Variants in LAT2 observed in about 807,000 individuals in gnomAD.
The protein encoded by LAT2 is linker for activation of T cells family member 2, also known as linker for activation of T-cells family member 2.
A neutral mutation model predicts 43.4 loss-of-function variants in LAT2; 23 were observed. The observed-to-expected ratio is 0.53, with a 90% confidence interval of 0.38 to 0.75. The LOEUF is 0.75. LAT2 is among the 30% of genes least tolerant of loss of function. LAT2 has a pLI of 0.00. For synonymous variants in LAT2, 128 were observed against 123.2 expected (o/e 1.04, Z -0.26); for missense variants, 284 against 310.2 (o/e 0.92, Z 0.64).
chr7:74,217,911 A>G lies in LAT2; in HGVS notation c.134+1047A>G, dbSNP rs543106374. 4.1e-4 allele frequency among the ~76,000 whole-genome samples: 62 copies of G among 152,296 alleles called. No individual in the cohort carries two copies. The South Asian group carries it at 0.013, about 31-fold the overall frequency. On this transcript the variant is annotated intron_variant, in intron 4 of 13. Transcript: ENST00000460943. ...AAACCACAGTGAGATTTGAAAATAGAATCTTCCCATCCTTGCTCATCGTGG... is the reference window on the plus strand; with the variant it reads ...AAACCACAGTGAGATTTGAAAATAGGATCTTCCCATCCTTGCTCATCGTGG...
chr7:74,228,057 TC>T (rs1254637363), intron 13 of LAT2, among the ~76,000 whole-genome samples: 1 of 144,720 alleles, frequency 6.9e-6, no homozygotes, highest in Admixed American at 7.3e-5. Flanking sequence ...GTGCCTGTAA[TC>T]CCAGCTACTC....
intron 1 of LAT2, among the ~76,000 whole-genome samples, chr7:74,214,141 AATATATATAAATATATATATGAAAAT>A (rs1801858520): frequency 1.9e-5 from 1 of 52,182 alleles, no homozygotes; most frequent in Non-Finnish European, 3.4e-5. Context: ...TATATATGAA[AATATATATAAATATATATATGAAAAT>A]ATATATATGA....
In LAT2 at chr7:74,221,711, C is replaced by A. The variant is rs781885499; in HGVS notation, c.388+19C>A. 6.2e-7 allele frequency: 1 copy of A among 1,602,592 alleles called. No individual in the cohort carries two copies. Among genetic ancestry groups the A allele is most frequent in the Non-Finnish European group, 8.5e-7 (1 of 1,175,264 alleles). ...CCAGAAGGTGAGGCGAAGGACAAAG[C>A]CGGAGGTGGAGGAAGTGGTGTGGGA... On this transcript the variant is annotated intron_variant, in intron 10 of 13. Transcript: ENST00000460943.
In LAT2 at chr7:74,220,520, G is replaced by A; in HGVS notation, c.266-64G>A. 1.2e-6 allele frequency: 2 copies of A among 1,603,346 alleles called. No individual in the cohort carries two copies. Among genetic ancestry groups the A allele is most frequent in the South Asian group, 2.2e-5 (2 of 90,606 alleles). On this transcript the variant is annotated intron_variant, in intron 7 of 13. Transcript: ENST00000460943. This position sits in a 1 kb window ranked among gnomAD's most constrained non-coding sequence, Gnocchi z 4.5. ...ATAGCTGGCCCTGCCTTGGGCTGCAGCACCCGAGCTGGGTGCAAAGCAGGG... is the reference window on the plus strand; with the variant it reads ...ATAGCTGGCCCTGCCTTGGGCTGCAACACCCGAGCTGGGTGCAAAGCAGGG...
Position 74,220,690 on chromosome 7 carries a change from G to C in LAT2, c.302-14G>C. On this transcript the variant is annotated splice_polypyrimidine_tract_variant and intron_variant, in intron 8 of 13. Coordinates refer to ENST00000460943, the MANE Select transcript of LAT2 (RefSeq NM_032464.3). The surrounding 1 kb of genome is among the most constrained non-coding windows in gnomAD (Gnocchi z 4.5). ...ACCCAGGGGCTCAGGCCCAATTCTCGCCTCCTCCCGCAGGAAGCAGACACG... is the reference window on the plus strand; with the variant it reads ...ACCCAGGGGCTCAGGCCCAATTCTCCCCTCCTCCCGCAGGAAGCAGACACG... The C allele has an allele frequency of 6.2e-7, 1 of 1,610,538 alleles. No homozygotes were observed. The highest frequency in any genetic ancestry group is 8.5e-7 in the Non-Finnish European group (1 of 1,177,200).
intron 4 of LAT2, among the ~76,000 whole-genome samples, chr7:74,219,138 G>A (rs375328321): frequency 7.0e-6 from 1 of 143,026 alleles, no homozygotes; most frequent in African/African-American, 2.6e-5. Flanking sequence ...CCGGGTTCAC[G>A]CCATTCTCCT....
intron 4 of LAT2, among the ~76,000 whole-genome samples, chr7:74,217,207 G>A (rs534045177): frequency 1.3e-5 from 2 of 152,216 alleles, no homozygotes; most frequent in South Asian, 2.1e-4. Flanking sequence ...CAAGGCAGGT[G>A]GATCACCTGA....
chr7:74,219,563 A>G (rs1321621173), intron 4 of LAT2, among the ~76,000 whole-genome samples, 181 bp from the exon 5 acceptor site: 1 of 152,194 alleles, frequency 6.6e-6, no homozygotes, highest in Non-Finnish European at 1.5e-5. Flanking sequence ...GGGCCAGAGA[A>G]TGGGGATAGC....
In LAT2 at chr7:74,215,989, C is replaced by T; in HGVS notation, c.14C>T (p.Thr5Ile). The T allele has an allele frequency of 6.2e-7, 1 of 1,614,100 alleles. No individual in the cohort carries two copies. Among genetic ancestry groups the T allele is most frequent in the Non-Finnish European group, 8.5e-7 (1 of 1,180,020 alleles). MSSG[T>I]ELLWPGAALL... is the part of the protein sequence containing the mutation. ...CCAGGAGCCAACATGAGCTCGGGGACTGAACTGCTGTGGCCCGGAGCAGCG... is the reference window on the plus strand; with the variant it reads ...CCAGGAGCCAACATGAGCTCGGGGATTGAACTGCTGTGGCCCGGAGCAGCG... The change falls in exon 3 of 14, where the codon ACT (threonine) becomes ATT (isoleucine). Residue 5 changes from threonine to isoleucine, a missense_variant. Coordinates refer to ENST00000460943, the MANE Select transcript of LAT2 (RefSeq NM_032464.3).
intron 12 of LAT2, 63 bp from the exon 13 acceptor site, chr7:74,224,576 G>C: frequency 7.1e-7 from 1 of 1,398,904 alleles, no homozygotes. Flanking sequence ...CTGAGTCTGG[G>C]GGAGCAGTCA....
chr7:74,220,261 G>C lies in LAT2; in HGVS notation c.265+7G>C. ...TTCTACCCCAGCCTGGAGGGTGAGT[G>C]GCACAGGGCAGGGACAGGGACAGGC... On this transcript the variant is annotated splice_region_variant and intron_variant, in intron 7 of 13. Coordinates refer to ENST00000460943, the MANE Select transcript of LAT2 (RefSeq NM_032464.3). This position sits in a 1 kb window ranked among gnomAD's most constrained non-coding sequence, Gnocchi z 4.5. 1 of 1,611,228 alleles carries C rather than the reference G, an allele frequency of 6.2e-7. No individual in the cohort carries two copies.
In LAT2 at chr7:74,220,131, C is replaced by A; in HGVS notation, c.228-86C>A. ...GAGCTCCAGGGCTCAGCTATGAAGG[C>A]CCCACAAGGGGTATGGGGGGATGTG... On this transcript the variant is annotated intron_variant, in intron 6 of 13. Coordinates refer to ENST00000460943, the MANE Select transcript of LAT2 (RefSeq NM_032464.3). The surrounding 1 kb of genome is among the most constrained non-coding windows in gnomAD (Gnocchi z 4.5). 2 of 1,561,190 alleles carry A rather than the reference C, an allele frequency of 1.3e-6. No individual in the cohort carries two copies. The highest frequency in any genetic ancestry group is 1.7e-6 in the Non-Finnish European group (2 of 1,144,182).
At chr7:74,210,399 G>A (rs1393399433) in intron 1 of LAT2, among the ~76,000 whole-genome samples, 1 of 152,182 alleles carries the variant, frequency 6.6e-6, no homozygotes, top group African/African-American at 2.4e-5. Flanking sequence ...CCTGGCCTGG[G>A]AGCCTCGGTT....
chr7:74,221,186 C>T (rs1367984605), intron 9 of LAT2, among the ~76,000 whole-genome samples: 1 of 152,058 alleles, frequency 6.6e-6, no homozygotes, highest in Non-Finnish European at 1.5e-5. Flanking sequence ...GAGGCCAAGG[C>T]AGGCAGATCA....
At position 74,213,530 on chromosome 7, in the gene LAT2, T is replaced by C. The variant is rs558349117; in HGVS notation, c.-218-1292T>C. Among the ~76,000 whole-genome samples the C allele has an allele frequency of 1.4e-4, 21 of 150,704 alleles. 1 individual carries two copies. The South Asian group carries it at 4.4e-3, about 32-fold the overall frequency. ...ACCTCCACCTCCTAGGTTCAAGTGATTCTCTTGCCTCAGACTCCTGATTAG... is the reference window on the plus strand; with the variant it reads ...ACCTCCACCTCCTAGGTTCAAGTGACTCTCTTGCCTCAGACTCCTGATTAG... On this transcript the variant is annotated intron_variant, in intron 1 of 13. Transcript: ENST00000460943.
chr7:74,221,410 CAAAAAAAAAAA>C (rs782694803), intron 9 of LAT2, among the ~76,000 whole-genome samples: 32 of 21,072 alleles, frequency 1.5e-3, no homozygotes, highest in Middle Eastern at 0.029. Context: ...GACTCTGTCT[CAAAAAAAAAAA>C]AAAAAAAAAA....
At chr7:74,214,389 AATAT>A (rs57553817) in intron 1 of LAT2, among the ~76,000 whole-genome samples, 3 of 48,620 alleles carry the variant, frequency 6.2e-5, no homozygotes, top group African/African-American at 2.1e-4. Context: ...TATATATATA[AATAT>A]ATATATATGA....
chr7:74,220,084 C>G lies in LAT2; in HGVS notation c.227+76C>G. Reference sequence around the variant, plus strand: ...TCACCTGGTGAGCCCAGGTCAAGACCTCCCTCCCTCCCCGAGTCCCAGAGC... The same window carrying G: ...TCACCTGGTGAGCCCAGGTCAAGACGTCCCTCCCTCCCCGAGTCCCAGAGC... On this transcript the variant is annotated intron_variant, in intron 6 of 13. Coordinates refer to ENST00000460943, the MANE Select transcript of LAT2 (RefSeq NM_032464.3). The surrounding 1 kb of genome is among the most constrained non-coding windows in gnomAD (Gnocchi z 4.5). The G allele has an allele frequency of 6.4e-7, 1 of 1,569,806 alleles. No individual in the cohort carries two copies. Among genetic ancestry groups the G allele is most frequent in the East Asian group, 2.3e-5 (1 of 43,932 alleles).
chr7:74,217,438 A>G (rs1391923301), intron 4 of LAT2, among the ~76,000 whole-genome samples: 3 of 151,820 alleles, frequency 2.0e-5, no homozygotes, highest in Admixed American at 1.3e-4. Flanking sequence ...CTCAGAAAAG[A>G]AAAAAAGAAA....
Sources: gnomAD v4.1 joint callset for allele counts (sites outside exome capture counted in the v4.1 genomes callset) on GRCh38, gnomAD v4.1.1 for gene constraint, Gnocchi (gnomAD v3.1) non-coding constraint, MANE v1.5 for transcripts, NCBI Gene and HGNC (gene_info 2026-07-23, HGNC 2026-07-21) for gene names.